The following SUMF2 variants were observed in gnomAD, a reference collection of about 807,000 sequenced individuals.
The protein encoded by SUMF2 is sulfatase modifying factor 2, also known as inactive C-alpha-formylglycine-generating enzyme 2.
In SUMF2, 45 loss-of-function variants were observed where a neutral mutation model predicts 44.8. That is an observed-to-expected ratio of 1.00 (90% confidence interval 0.79 to 1.29). SUMF2 has a LOEUF of 1.29. SUMF2 is among the 50% of genes most tolerant of loss of function. SUMF2 has a pLI of 0.00. For missense variants in SUMF2, 418 were observed against 389.9 expected, an observed-to-expected ratio of 1.07 and a Z score of -0.61; for synonymous variants, 148 against 150.4, an observed-to-expected ratio of 0.98 and a Z score of 0.12.
chr7:56,068,792 T>C (rs1794981259), intron 2 of SUMF2, 154 bp downstream of exon 2: 2 of 827,306 alleles, frequency 2.4e-6, no homozygotes, highest in South Asian at 3.6e-5. Context: ...AACCTCCACC[T>C]CCCGGGTTCA....
At chr7:56,078,660 G>A in intron 8 of SUMF2, 152 bp downstream of exon 8, 1 of 997,934 alleles carries the variant, frequency 1.0e-6, no homozygotes, top group South Asian at 2.7e-5. Flanking sequence ...CCAGTTGTGG[G>A]TACAAAAAAG....
chr7:56,066,707 G>A (rs571559107), intron 1 of SUMF2, among the ~76,000 whole-genome samples: 1 of 152,272 alleles, frequency 6.6e-6, no homozygotes, highest in South Asian at 2.1e-4. Flanking sequence ...TGCAACCTCC[G>A]CCTCCCGGGT....
intron 8 of SUMF2, chr7:56,078,857 G>A (rs1795764304): frequency 2.2e-6 from 1 of 452,486 alleles, no homozygotes; most frequent in Middle Eastern, 5.6e-4. Context: ...ATTACTGGTG[G>A]TCATGGACTT....
rs759861996 is a variant in SUMF2, at chr7:56,064,309, C to G, written c.-3C>G. On this transcript the variant is annotated 5_prime_UTR_variant, in exon 1 of 9. Coordinates refer to ENST00000434526, the MANE Select transcript of SUMF2 (RefSeq NM_015411.4). ...GTGTACGCGGCGCAGCGCGGCAGTC[C>G]TGATGGCCCGGCATGGGTTACCGCT... 4 of 1,590,022 alleles carry G rather than the reference C, an allele frequency of 2.5e-6. No homozygotes were observed. In the South Asian group the frequency reaches 3.4e-5, roughly 14 times the overall value.
chr7:56,086,822 C>CA, the SUMF2 span: 1 of 672,322 alleles, frequency 1.5e-6, no homozygotes, highest in Non-Finnish European at 2.7e-6. Context: ...AGCCTGACCC[C>CA]AGGGGCTGAT....
intron 2 of SUMF2, 138 bp from the exon 3 acceptor site, chr7:56,072,859 G>T (rs1795269461): frequency 3.2e-6 from 2 of 627,134 alleles, no homozygotes; most frequent in Middle Eastern, 2.6e-4. Context: ...TCAGGCTTCA[G>T]GTTAATTCCT....
Position 56,074,746 on chromosome 7 carries a change from T to A in SUMF2, c.535+10T>A. ...CGAGGGGGCTTGAAGGGTATCCAGA[T>A]GATAAGGCGATTTTCCTTTATTCTT... On this transcript the variant is annotated intron_variant, in intron 5 of 8. Coordinates refer to ENST00000434526, the MANE Select transcript of SUMF2 (RefSeq NM_015411.4). The A allele has an allele frequency of 6.2e-7, 1 of 1,614,068 alleles. No homozygotes were observed. The highest frequency in any genetic ancestry group is 8.5e-7 in the Non-Finnish European group (1 of 1,179,956).
In SUMF2 at chr7:56,068,041, T is replaced by C. The variant is rs1240316689; in HGVS notation, c.68-441T>C. Among the ~76,000 whole-genome samples the C allele has an allele frequency of 6.9e-3, 1,003 of 146,344 alleles. 5 individuals are homozygous for C. Among genetic ancestry groups the C allele is most frequent in the Non-Finnish European group, 0.01 (672 of 66,328 alleles). On this transcript the variant is annotated intron_variant, in intron 1 of 8. Transcript: ENST00000434526. ...TTTCTTTTTTTCTTTCTTTTTTTTT[T>C]TTTTTTTTTTTGAGACAGAGTCTCG...
At chr7:56,075,962 A>G (rs1412671974) in intron 5 of SUMF2, among the ~76,000 whole-genome samples, 1 of 151,598 alleles carries the variant, frequency 6.6e-6, no homozygotes, top group Non-Finnish European at 1.5e-5. Context: ...TCCCGGGTTC[A>G]AGGGATTCTC....
At position 56,076,023 on chromosome 7, in the gene SUMF2, C is replaced by T. The variant is rs183225558; in HGVS notation, c.536-811C>T. On this transcript the variant is annotated intron_variant, in intron 5 of 8. Transcript: ENST00000434526. ...GATTACAGGCACCTGCCACCATGCCCGGCTATTTTTTTTTTTTTTTTGAGA... is the reference window on the plus strand; with the variant it reads ...GATTACAGGCACCTGCCACCATGCCTGGCTATTTTTTTTTTTTTTTTGAGA... 8.9e-3 allele frequency among the ~76,000 whole-genome samples: 1,116 copies of T among 125,010 alleles called. 15 individuals are homozygous for T. The highest frequency in any genetic ancestry group is 0.029 in the African/African-American group (1,012 of 34,912). 82.0% of individuals were successfully genotyped at this position (125,010 alleles called of 152,430 possible). A position where few individuals can be genotyped will look rare whatever the true frequency, so the allele number is the denominator to read the frequency against.
intron 1 of SUMF2, among the ~76,000 whole-genome samples, chr7:56,066,851 C>T (rs1021927122): frequency 2.0e-5 from 3 of 152,174 alleles, no homozygotes; most frequent in Admixed American, 1.3e-4. Flanking sequence ...AACTCCTGAC[C>T]TCAGGTAATC....
At chr7:56,065,858 G>A (rs942737398) in intron 1 of SUMF2, among the ~76,000 whole-genome samples, 1 of 151,988 alleles carries the variant, frequency 6.6e-6, no homozygotes, top group Non-Finnish European at 1.5e-5. Flanking sequence ...TGAGGCGGGC[G>A]GATCACGAGG....
At chr7:56,084,797 CT>C (rs1250334955), downstream of SUMF2, among the ~76,000 whole-genome samples, 1 of 151,894 alleles carries the variant, frequency 6.6e-6, no homozygotes, top group Non-Finnish European at 1.5e-5. Flanking sequence ...CTGGGATGAT[CT>C]AGAAAGGACT....
downstream of SUMF2, among the ~76,000 whole-genome samples, chr7:56,085,241 G>A (rs937783967): frequency 2.0e-5 from 3 of 152,010 alleles, no homozygotes; most frequent in African/African-American, 7.2e-5. Flanking sequence ...GATTACAGGG[G>A]TGAACCACCA....
downstream of SUMF2, chr7:56,083,224 ATGGT>A (rs1205721220): frequency 1.3e-6 from 2 of 1,544,456 alleles, no homozygotes; most frequent in Non-Finnish European, 1.8e-6. Flanking sequence ...TATTCTGCAG[ATGGT>A]TGATTGAGCA....
chr7:56,087,057 G>A, the SUMF2 span: 1 of 1,589,390 alleles, frequency 6.3e-7, no homozygotes. Context: ...GTCTCAAGTA[G>A]CAGGGGAGCC....
downstream of SUMF2, chr7:56,081,003 A>T (rs1795947031): frequency 3.1e-6 from 5 of 1,601,408 alleles, no homozygotes; most frequent in East Asian, 1.1e-4. The surrounding 1 kb of genome is among the most constrained non-coding windows in gnomAD (Gnocchi z 4.6). Context: ...TTGTATTTCC[A>T]TGGCTTCCCC....
intron 8 of SUMF2, chr7:56,078,869 C>T: frequency 4.4e-6 from 2 of 456,756 alleles, no homozygotes; most frequent in Non-Finnish European, 7.8e-6. Flanking sequence ...CATGGACTTA[C>T]TGACTCTTCA....
intron 5 of SUMF2, 107 bp downstream of exon 5, chr7:56,074,843 A>C: frequency 2.8e-6 from 4 of 1,411,772 alleles, no homozygotes; most frequent in Non-Finnish European, 3.9e-6. Context: ...TATGCCTGTA[A>C]TCCCAACACT....
Sources: allele counts gnomAD v4.1 joint callset (sites outside exome capture counted in the v4.1 genomes callset), GRCh38; gene constraint gnomAD v4.1.1; non-coding constraint Gnocchi (gnomAD v3.1); transcripts MANE v1.5; gene names NCBI Gene and HGNC (gene_info 2026-07-23, HGNC 2026-07-21).